The following ZFHX3 variants were observed in gnomAD, a reference collection of about 807,000 sequenced individuals.
ZFHX3 encodes zinc finger homeobox 3, also known as zinc finger homeobox protein 3.
Under a neutral mutation model 279.1 loss-of-function variants are expected in ZFHX3, and 42 were observed. The ratio of observed to expected loss-of-function variants is 0.15; its 90% CI spans 0.12 to 0.19. ZFHX3 has a LOEUF of 0.19. Among genes scored for constraint, ZFHX3 ranks in the 10% least tolerant of loss-of-function variants. The pLI is 1.00. For synonymous variants in ZFHX3, 2,293 were observed against 1,957.8 expected (o/e 1.17, Z -4.52); for missense variants, 4,981 against 4,754.0 (o/e 1.05, Z -1.40).
At chr16:73,799,436 T>A (rs531698423) in intron 1 of ZFHX3, among the ~76,000 whole-genome samples, 1 of 152,244 alleles carries the variant, frequency 6.6e-6, no homozygotes, top group Admixed American at 6.5e-5. Context: ...CAGAGTGAAT[T>A]GAGGCAGGTT....
chr16:72,798,699 A>C lies in ZFHX3; in HGVS notation c.3983T>G (p.Leu1328Arg). Residue 1328 changes from leucine (L) to arginine (R), a missense_variant, in exon 9 of 10, where the codon CTG becomes CGG. By Grantham distance (102) the Leu-to-Arg change is moderately radical. This residue lies in a region of ZFHX3 where 1,751 missense variants were observed against 1,770.0 expected (regional missense o/e 0.99). Coordinates refer to ENST00000268489, the MANE Select transcript of ZFHX3 (RefSeq NM_006885.4). ...AGKQPETSED[L>R]GKNILPSAST... ...TGCGGATGGCAAGATGTTCTTTCCCAGATCCTCTGAGGTTTCTGTTAAAAA... is the reference window on the plus strand; with the variant it reads ...TGCGGATGGCAAGATGTTCTTTCCCCGATCCTCTGAGGTTTCTGTTAAAAA... The C allele has an allele frequency of 6.4e-7, 1 of 1,553,352 alleles. No homozygotes were observed.
At chr16:73,674,731 G>T (rs2052937134) in intron 2 of ZFHX3, among the ~76,000 whole-genome samples, 1 of 152,126 alleles carries the variant, frequency 6.6e-6, no homozygotes, top group Non-Finnish European at 1.5e-5. Context: ...CTCGAAAAGT[G>T]CTTATATGTT....
intron 6 of ZFHX3, among the ~76,000 whole-genome samples, chr16:73,131,733 C>G (rs112660544): frequency 6.6e-6 from 1 of 152,138 alleles, no homozygotes; most frequent in Admixed American, 6.5e-5. Context: ...CAGGGAGTTA[C>G]GAAAAGCCAC....
chr16:73,027,710 A>C (rs1296223797), intron 1 of ZFHX3, among the ~76,000 whole-genome samples: 1 of 152,080 alleles, frequency 6.6e-6, no homozygotes, highest in African/African-American at 2.4e-5. Context: ...AGTAAGAAGA[A>C]ATCTGGCCAG....
chr16:73,631,927 T>TCTCTCTCTCACACA (rs1437204921), intron 2 of ZFHX3, among the ~76,000 whole-genome samples: 6 of 136,814 alleles, frequency 4.4e-5, no homozygotes, highest in African/African-American at 1.7e-4. Context: ...TCTCTCTCTC[T>TCTCTCTCTCACACA]CACACACACA....
At chr16:73,877,327 AT>A (rs973511469) in intron 1 of ZFHX3, among the ~76,000 whole-genome samples, 11 of 151,448 alleles carry the variant, frequency 7.3e-5, no homozygotes, top group Non-Finnish European at 1.3e-4. Context: ...TCTTCATGCA[AT>A]TTTTTTTTCT....
intron 8 of ZFHX3, among the ~76,000 whole-genome samples, chr16:73,066,483 C>T (rs1310145103): frequency 6.6e-6 from 1 of 152,202 alleles, no homozygotes; most frequent in Non-Finnish European, 1.5e-5. Context: ...CCCTCCGGCT[C>T]CCCGGAGACA....
At chr16:73,819,760 G>A (rs1396292462) in intron 1 of ZFHX3, among the ~76,000 whole-genome samples, 1 of 152,134 alleles carries the variant, frequency 6.6e-6, no homozygotes, top group Non-Finnish European at 1.5e-5. Flanking sequence ...AGGGCTCATA[G>A]GTAAGAAGAA....
rs373918949 is a variant in ZFHX3 at position 73,685,614 on chromosome 16, C to T, written c.-1607-5374G>A. 7.9e-5 allele frequency among the ~76,000 whole-genome samples: 12 copies of T among 152,168 alleles called. No individual in the cohort carries two copies. In the East Asian group the frequency reaches 1.5e-3, roughly 20 times the overall value. The stretch of plus-strand genomic sequence containing the variant: ...GTGTTGTTTTAAGCCACCAAGTTTG[C>T]GGTAGCATGCATCAGCAACCATAGG... On this transcript the variant is annotated intron_variant, in intron 1 of 17. Transcript: ENST00000641206.
chr16:72,860,705 C>T (rs898733681), intron 4 of ZFHX3, among the ~76,000 whole-genome samples: 1 of 152,238 alleles, frequency 6.6e-6, no homozygotes, highest in African/African-American at 2.4e-5. Context: ...GCTGGGATTA[C>T]AGGTGTCAGC....
At chr16:73,389,990 G>A (rs2143394642) in intron 3 of ZFHX3, among the ~76,000 whole-genome samples, 1 of 152,284 alleles carries the variant, frequency 6.6e-6, no homozygotes, top group Admixed American at 6.5e-5. Context: ...AACTTGGGAG[G>A]CGGATGTTGC....
intron 3 of ZFHX3, among the ~76,000 whole-genome samples, chr16:72,948,503 GAC>G (rs1960817203): frequency 6.6e-6 from 1 of 152,266 alleles, no homozygotes; most frequent in African/African-American, 2.4e-5. Context: ...GTGATCCGTG[GAC>G]ACAGTTTGGG....
intron 5 of ZFHX3, among the ~76,000 whole-genome samples, chr16:73,241,327 C>T (rs182917304): frequency 1.1e-3 from 170 of 152,270 alleles, no homozygotes; most frequent in Non-Finnish European, 1.0e-3. Flanking sequence ...TGAGTCCCAT[C>T]TTGTTGCAAA....
At chr16:72,801,446 A>G (rs1192185194) in intron 7 of ZFHX3, among the ~76,000 whole-genome samples, 4 of 152,224 alleles carry the variant, frequency 2.6e-5, no homozygotes, top group African/African-American at 9.6e-5. Flanking sequence ...GTCCACTAGA[A>G]TCATCAGCAA....
chr16:73,074,912 A>C (rs1363556885), intron 8 of ZFHX3, among the ~76,000 whole-genome samples: 1 of 151,926 alleles, frequency 6.6e-6, no homozygotes, highest in African/African-American at 2.4e-5. Context: ...TGATCCTCCT[A>C]AGTAGCTAAT....
chr16:73,688,624 G>A (rs1386297255), intron 1 of ZFHX3, among the ~76,000 whole-genome samples: 1 of 152,072 alleles, frequency 6.6e-6, no homozygotes, highest in Non-Finnish European at 1.5e-5. Context: ...CCCTAAAACT[G>A]TAAGCAACAC....
intron 4 of ZFHX3, among the ~76,000 whole-genome samples, chr16:72,845,137 A>G (rs2037446688): frequency 6.6e-6 from 1 of 152,132 alleles, no homozygotes; most frequent in South Asian, 2.1e-4. Flanking sequence ...AAGCAGCTCC[A>G]AGCGGGGGAA....
At chr16:73,803,850 G>A (rs774985667) in intron 1 of ZFHX3, among the ~76,000 whole-genome samples, 1 of 152,140 alleles carries the variant, frequency 6.6e-6, no homozygotes, top group Non-Finnish European at 1.5e-5. Flanking sequence ...TAATGATACA[G>A]AAAGATATCC....
intron 3 of ZFHX3, among the ~76,000 whole-genome samples, chr16:72,939,989 G>A (rs971431702): frequency 6.6e-6 from 1 of 152,072 alleles, no homozygotes; most frequent in Admixed American, 6.6e-5. Flanking sequence ...TGCCCAGGCT[G>A]GTCTTGAACT....
Sources: allele counts gnomAD v4.1 joint callset (sites outside exome capture counted in the v4.1 genomes callset), GRCh38; gene constraint gnomAD v4.1.1; regional missense constraint gnomAD v4.1.1; transcripts MANE v1.5; gene names NCBI Gene and HGNC (gene_info 2026-07-23, HGNC 2026-07-21).